The following GSE1 variants were observed in gnomAD, a reference collection of about 807,000 sequenced individuals.
GSE1 encodes the protein Gse1 coiled-coil protein.
In GSE1, 32 loss-of-function variants were observed where a neutral mutation model predicts 112.6. The ratio of observed to expected loss-of-function variants is 0.28; its 90% CI spans 0.21 to 0.38. The LOEUF (loss-of-function observed/expected upper bound fraction) is 0.38, where lower values mean the gene tolerates loss of function less well. Ranked by LOEUF, GSE1 falls within the 10% of genes least tolerant of loss-of-function variation. The probability of loss-of-function intolerance (pLI) is 1.00; values close to 1 mark genes in which losing one functional copy is unlikely to be tolerated. For missense variants in GSE1, 2,348 were observed against 1,699.2 expected (o/e 1.38, Z -6.71); for synonymous variants, 1,115 against 735.6 (o/e 1.52, Z -8.35).
chr16:85,584,281 G>C (rs1180820112), intron 1 of GSE1, among the ~76,000 whole-genome samples: 2 of 152,158 alleles, frequency 1.3e-5, no homozygotes, highest in Non-Finnish European at 2.9e-5. Context: ...GGGCCTCCCA[G>C]CTGAGAACTG....
chr16:85,653,990 G>A (rs1001620628), intron 3 of GSE1, among the ~76,000 whole-genome samples: 2 of 152,168 alleles, frequency 1.3e-5, no homozygotes, highest in African/African-American at 4.8e-5. Context: ...TGCACACATT[G>A]TGTTTCTGGG....
At chr16:85,629,010 A>G (rs2049308325) in intron 1 of GSE1, among the ~76,000 whole-genome samples, 1 of 152,174 alleles carries the variant, frequency 6.6e-6, no homozygotes, top group South Asian at 2.1e-4. Flanking sequence ...CCGTCACCTT[A>G]GTGGTGAGCA....
chr16:85,435,470 C>T (rs1258108863), intron 2 of GSE1, among the ~76,000 whole-genome samples: 1 of 152,176 alleles, frequency 6.6e-6, no homozygotes, highest in Non-Finnish European at 1.5e-5. Context: ...TTCCTCTGAG[C>T]CTGTGCCCTA....
intron 1 of GSE1, among the ~76,000 whole-genome samples, chr16:85,200,032 T>TG (rs550796785): frequency 1.3e-5 from 2 of 152,324 alleles, no homozygotes; most frequent in South Asian, 4.1e-4. Context: ...TAAAAATAGC[T>TG]GTGGGCTGTC....
Position 85,613,377 on chromosome 16 carries a change from C to A in GSE1, c.-15C>A. ...CCAGCATGTATCAGCCGAGGTGGAG[C>A]TGCGGGGCCCTGGCATGAAAGGTGA... On this transcript the variant is annotated 5_prime_UTR_variant, in exon 1 of 16. In the 5' UTR this introduces an upstream ATG that the reference lacks. Coordinates refer to ENST00000253458, the MANE Select transcript of GSE1 (RefSeq NM_014615.5). 1 of 1,568,222 alleles carries A rather than the reference C, an allele frequency of 6.4e-7. No homozygotes were observed. Among genetic ancestry groups the A allele is most frequent in the South Asian group, 1.2e-5 (1 of 85,500 alleles).
chr16:85,169,579 G>A, exon 1 of GSE1: 1 of 981,582 alleles, frequency 1.0e-6, no homozygotes, highest in Non-Finnish European at 1.2e-6. Context: ...GGCAGCCGTG[G>A]GCGAGCGGGC....
chr16:85,327,808 G>T (rs760634876), intron 1 of GSE1, among the ~76,000 whole-genome samples: 64 of 152,194 alleles, frequency 4.2e-4, no homozygotes, highest in Non-Finnish European at 7.6e-4. Context: ...CAGCAAAACT[G>T]AGGTCCCGGG....
chr16:85,209,164 G>A (rs972400612), intron 1 of GSE1, among the ~76,000 whole-genome samples: 7 of 152,168 alleles, frequency 4.6e-5, no homozygotes, highest in Non-Finnish European at 1.0e-4. Flanking sequence ...TCTGTTCTCT[G>A]CTCACTGTGG....
rs2151674523 is a variant in GSE1 at position 85,402,623 on chromosome 16, C to G, written c.2464+44980C>G. 2.0e-5 allele frequency among the ~76,000 whole-genome samples: 3 copies of G among 152,296 alleles called. No homozygotes were observed. The South Asian group carries it at 6.2e-4, about 32-fold the overall frequency. ...GGGCCTGCCAGTTACCTCTGGCTGCCTAACAGATTGCCCCAAGGCCAGGCA... is the reference window on the plus strand; with the variant it reads ...GGGCCTGCCAGTTACCTCTGGCTGCGTAACAGATTGCCCCAAGGCCAGGCA... On this transcript the variant is annotated intron_variant, in intron 2 of 2. Coordinates refer to the GSE1 transcript ENST00000637419.
intron 2 of GSE1, among the ~76,000 whole-genome samples, chr16:85,647,360 GT>G (rs1304685282): frequency 3.9e-5 from 6 of 152,240 alleles, no homozygotes; most frequent in African/African-American, 1.4e-4. Context: ...GAGTTCCGGG[GT>G]AGGTCGTGGT....
At chr16:85,499,755 A>G (rs373741101) in intron 2 of GSE1, among the ~76,000 whole-genome samples, 1 of 152,242 alleles carries the variant, frequency 6.6e-6, no homozygotes, top group Non-Finnish European at 1.5e-5. Context: ...TAAAATTTCA[A>G]CCCACCCTCC....
At chr16:85,287,385 A>G (rs531374207) in intron 1 of GSE1, among the ~76,000 whole-genome samples, 1 of 152,164 alleles carries the variant, frequency 6.6e-6, no homozygotes, top group East Asian at 1.9e-4. Flanking sequence ...GGAGACCTCA[A>G]AGTGAAACAG....
chr16:85,368,548 T>C (rs1284590131), intron 2 of GSE1, among the ~76,000 whole-genome samples: 1 of 151,640 alleles, frequency 6.6e-6, no homozygotes, highest in Non-Finnish European at 1.5e-5. Flanking sequence ...CTACAAAAAA[T>C]TTTAAAATTA....
At chr16:85,663,242 G>C (rs1008214566) in intron 10 of GSE1, 102 bp from the exon 11 acceptor site, 8 of 1,402,844 alleles carry the variant, frequency 5.7e-6, no homozygotes, top group Non-Finnish European at 6.9e-6. Flanking sequence ...GGCGCAGCCA[G>C]CTACGGCCCA....
rs1216794711 is a variant in GSE1 at position 85,673,859 on chromosome 16, C to G, written c.*1320C>G. 2 of 152,212 alleles carry G rather than the reference C, an allele frequency of 1.3e-5. No individual in the cohort carries two copies. The highest frequency in any genetic ancestry group is 4.8e-5 in the African/African-American group (2 of 41,442). 9.4% of individuals were successfully genotyped at this position (152,212 alleles called of 1,614,324 possible). On this transcript the variant is annotated 3_prime_UTR_variant, in exon 16 of 16. Coordinates refer to ENST00000253458, the MANE Select transcript of GSE1 (RefSeq NM_014615.5). ...TGTGATTGATATAATTCTAAGGTGT[C>G]TGAGAGCAGGTACAGAATAGGAACT...
At chr16:85,565,180 A>G (rs953315901) in intron 1 of GSE1, among the ~76,000 whole-genome samples, 2 of 152,052 alleles carry the variant, frequency 1.3e-5, no homozygotes, top group African/African-American at 4.8e-5. Flanking sequence ...TCACGAGGTC[A>G]CGAGTTCAAG....
intron 8 of GSE1, among the ~76,000 whole-genome samples, chr16:85,660,204 C>T (rs1398890478): frequency 6.6e-6 from 1 of 152,186 alleles, no homozygotes; most frequent in Non-Finnish European, 1.5e-5. Context: ...AGCGCTTGCC[C>T]TTAGGGGAAT....
At position 85,663,280 on chromosome 16, in the gene GSE1, C is replaced by T. The variant is rs542979723; in HGVS notation, c.2374-64C>T. The T allele has an allele frequency of 2.2e-5, 35 of 1,563,554 alleles. No individual in the cohort carries two copies. The East Asian group carries it at 5.2e-4, about 23-fold the overall frequency. Reference sequence around the variant, plus strand: ...CTTCGAGGACCCCAGGAGGGGACCCCGGGACAGTGCAAGCATACCACTGCC... The same window carrying T: ...CTTCGAGGACCCCAGGAGGGGACCCTGGGACAGTGCAAGCATACCACTGCC... On this transcript the variant is annotated intron_variant, in intron 10 of 15. Transcript: ENST00000253458.
At chr16:85,586,338 C>T (rs867177101) in intron 1 of GSE1, among the ~76,000 whole-genome samples, 14 of 152,354 alleles carry the variant, frequency 9.2e-5, no homozygotes, top group Non-Finnish European at 1.6e-4. Context: ...TTGCCTCGGA[C>T]GGCGGAGCCC....
Sources: gnomAD v4.1 joint callset for allele counts (sites outside exome capture counted in the v4.1 genomes callset) on GRCh38, gnomAD v4.1.1 for gene constraint, MANE v1.5 for transcripts, NCBI Gene and HGNC (gene_info 2026-07-23, HGNC 2026-07-21) for gene names.